The following LIN9 variants were observed in gnomAD, a reference collection of about 807,000 sequenced individuals.
The protein encoded by LIN9 is protein lin-9 homolog.
In LIN9, 18 loss-of-function variants were observed where a neutral mutation model predicts 78.0. That is an observed-to-expected ratio of 0.23 (90% confidence interval 0.16 to 0.34). The LOEUF (loss-of-function observed/expected upper bound fraction) is 0.34. Ranked by LOEUF, LIN9 falls within the 10% of genes least tolerant of loss-of-function variation. The pLI is 1.00. For synonymous variants in LIN9, 192 were observed against 215.2 expected, an observed-to-expected ratio of 0.89 and a Z score of 0.94; for missense variants, 451 against 644.1, an observed-to-expected ratio of 0.70 and a Z score of 3.25.
At chr1:226,250,112 G>T (rs558181508) in intron 11 of LIN9, among the ~76,000 whole-genome samples, 5 of 151,680 alleles carry the variant, frequency 3.3e-5, no homozygotes, top group Admixed American at 6.6e-5. Context: ...GGAGGTTGCA[G>T]TGAGCCGAGA....
rs544813767 is a variant in LIN9, at chr1:226,285,697, G to A, written c.524+636C>T. On this transcript the variant is annotated intron_variant, in intron 6 of 14. Transcript: ENST00000681046. Reference sequence around the variant, plus strand: ...ATTTCACATGAAGAGCAATTCTCAGGAAGTAACATATTAGATAGATTAATT... The same window carrying A: ...ATTTCACATGAAGAGCAATTCTCAGAAAGTAACATATTAGATAGATTAATT... Among the ~76,000 whole-genome samples, 810 of 152,172 alleles carry A rather than the reference G, an allele frequency of 5.3e-3. 5 individuals carry two copies. The highest frequency in any genetic ancestry group is 8.1e-3 in the Non-Finnish European group (549 of 67,980).
chr1:226,296,941 T>C (rs1156594854), intron 3 of LIN9, among the ~76,000 whole-genome samples: 1 of 152,142 alleles, frequency 6.6e-6, no homozygotes, highest in Admixed American at 6.5e-5. Context: ...GCAGGATCGC[T>C]TGAGCCTGGG....
Position 226,265,741 on chromosome 1 carries a change from T to G in LIN9, c.937-107A>C, listed in dbSNP as rs1025825940. 5.2e-6 allele frequency: 3 copies of G among 582,028 alleles called. No homozygotes were observed. Among genetic ancestry groups the G allele is most frequent in the Non-Finnish European group, 8.9e-6 (3 of 336,556 alleles). The allele number at this position is 582,028 out of a possible 1,614,324, so 36.1% of individuals were successfully genotyped here. A position where few individuals can be genotyped will look rare whatever the true frequency, so the allele number is the denominator to read the frequency against. On this transcript the variant is annotated intron_variant, in intron 9 of 14. Coordinates refer to ENST00000681046, the MANE Select transcript of LIN9 (RefSeq NM_001366245.2). The surrounding 1 kb of genome is among the most constrained non-coding windows in gnomAD (Gnocchi z 4.1). ...CGGAGTCTCGCTCTGTTGCCACTTG[T>G]GATCTCGGCTCACTGCAATCTCTGA...
At chr1:226,304,077 G>A (rs1576365784) in intron 1 of LIN9, among the ~76,000 whole-genome samples, 1 of 152,202 alleles carries the variant, frequency 6.6e-6, no homozygotes, top group Non-Finnish European at 1.5e-5. Flanking sequence ...AGGATTAAAT[G>A]AGTTAATACA....
chr1:226,266,379 A>G (rs1659908229), intron 8 of LIN9, 47 bp from the exon 9 acceptor site: 4 of 1,521,022 alleles, frequency 2.6e-6, no homozygotes, highest in African/African-American at 2.8e-5. Context: ...TTTACCAATC[A>G]TTTAAGCTTT....
chr1:226,268,838 T>G (rs1321611516), intron 7 of LIN9, among the ~76,000 whole-genome samples: 2 of 152,236 alleles, frequency 1.3e-5, no homozygotes. Flanking sequence ...TTTTGAAAAC[T>G]TGCACGTGGT....
At chr1:226,303,111 C>T (rs576381087) in intron 1 of LIN9, among the ~76,000 whole-genome samples, 1 of 152,280 alleles carries the variant, frequency 6.6e-6, no homozygotes, top group East Asian at 1.9e-4. Context: ...AAGTCTCAAA[C>T]AATGAAACAC....
intron 11 of LIN9, among the ~76,000 whole-genome samples, chr1:226,246,947 ATTCT>A (rs1370064136): frequency 2.6e-5 from 4 of 151,822 alleles, no homozygotes; most frequent in African/African-American, 9.7e-5. Context: ...CTTTTGTCCC[ATTCT>A]TTCTTTTTCC....
chr1:226,285,087 AAAT>A (rs1661310478), intron 6 of LIN9, among the ~76,000 whole-genome samples: 1 of 152,240 alleles, frequency 6.6e-6, no homozygotes, highest in South Asian at 2.1e-4. Flanking sequence ...CTATAAGATT[AAAT>A]AATGTTATGG....
At chr1:226,300,670 A>G (rs1289294061) in intron 2 of LIN9, among the ~76,000 whole-genome samples, 2 of 152,234 alleles carry the variant, frequency 1.3e-5, no homozygotes, top group Admixed American at 1.3e-4. Flanking sequence ...AGCCTGGCCA[A>G]CATGGTGAAA....
upstream of LIN9, chr1:226,309,724 C>T: frequency 3.1e-6 from 4 of 1,287,926 alleles, no homozygotes; most frequent in Non-Finnish European, 4.0e-6. Flanking sequence ...GTCCGGGACT[C>T]GGTCCCAGCG....
At chr1:226,242,679 C>G (rs77745923) in intron 11 of LIN9, among the ~76,000 whole-genome samples, 1 of 152,072 alleles carries the variant, frequency 6.6e-6, no homozygotes, top group Non-Finnish European at 1.5e-5. Flanking sequence ...CCTACCAGAT[C>G]GTATAGATGC....
chr1:226,243,790 A>C (rs1658275795), intron 11 of LIN9, among the ~76,000 whole-genome samples: 5 of 152,054 alleles, frequency 3.3e-5, no homozygotes, highest in Admixed American at 3.3e-4. Flanking sequence ...AATACAAAGA[A>C]AGAAAAACAC....
intron 10 of LIN9, among the ~76,000 whole-genome samples, chr1:226,263,372 G>A (rs1209735395): frequency 3.3e-5 from 5 of 152,114 alleles, no homozygotes; most frequent in African/African-American, 1.2e-4. Flanking sequence ...CACATGTGTG[G>A]GGTCAGGAAG....
chr1:226,290,555 T>C (rs1298482413), intron 4 of LIN9, among the ~76,000 whole-genome samples: 1 of 151,942 alleles, frequency 6.6e-6, no homozygotes, highest in Non-Finnish European at 1.5e-5. Flanking sequence ...TTAGCCAGGG[T>C]GGTCTTGATC....
chr1:226,242,614 G>T (rs1195376342), intron 11 of LIN9, among the ~76,000 whole-genome samples: 1 of 152,142 alleles, frequency 6.6e-6, no homozygotes, highest in African/African-American at 2.4e-5. Flanking sequence ...GAATGGTGCA[G>T]GTCCACTTAC....
rs952617831 is a variant in LIN9 at position 226,236,511 on chromosome 1, A to G, written c.1245+2460T>C. On this transcript the variant is annotated intron_variant, in intron 12 of 14. Coordinates refer to ENST00000681046, the MANE Select transcript of LIN9 (RefSeq NM_001366245.2). ...CGCTCTGTTGCCCAGGCTGGAGTGC[A>G]ATGGCGCAATCTCGGCTCACTGCAA... is the stretch of plus-strand genomic sequence containing the variant. Among the ~76,000 whole-genome samples, 5 of 152,098 alleles carry G rather than the reference A, an allele frequency of 3.3e-5. No homozygotes were observed. The East Asian group carries it at 9.7e-4, about 29-fold the overall frequency.
At chr1:226,264,032 C>T (rs1659760797) in intron 10 of LIN9, among the ~76,000 whole-genome samples, 1 of 152,012 alleles carries the variant, frequency 6.6e-6, no homozygotes, top group African/African-American at 2.4e-5. Context: ...GCCATAATGG[C>T]ACCCCTGTAC....
chr1:226,240,034 T>C (rs1014991769), intron 11 of LIN9, among the ~76,000 whole-genome samples: 13 of 152,070 alleles, frequency 8.5e-5, no homozygotes, highest in African/African-American at 3.1e-4. Context: ...GAACTACTTA[T>C]ATAGGTTCCA....
Sources: gnomAD v4.1 joint callset for allele counts (sites outside exome capture counted in the v4.1 genomes callset) on GRCh38, gnomAD v4.1.1 for gene constraint, Gnocchi (gnomAD v3.1) non-coding constraint, MANE v1.5 for transcripts, NCBI Gene and HGNC (gene_info 2026-07-23, HGNC 2026-07-21) for gene names.